The following CNTNAP2 variants were observed in gnomAD, a reference collection of about 807,000 sequenced individuals.
CNTNAP2 encodes the protein contactin associated protein 2.
In CNTNAP2, 98 loss-of-function variants were observed where a neutral mutation model predicts 155.2. That is an observed-to-expected ratio of 0.63 (90% confidence interval 0.54 to 0.75). The LOEUF (loss-of-function observed/expected upper bound fraction) is 0.75. CNTNAP2 is among the 30% of genes least tolerant of loss of function. The pLI is 0.00. For missense variants in CNTNAP2, 1,727 were observed against 1,688.1 expected (o/e 1.02, Z -0.40); for synonymous variants, 651 against 631.2 (o/e 1.03, Z -0.47).
At chr7:146,727,361 A>T (rs2129178691) in intron 1 of CNTNAP2, among the ~76,000 whole-genome samples, 1 of 152,328 alleles carries the variant, frequency 6.6e-6, no homozygotes, top group Non-Finnish European at 1.5e-5. Flanking sequence ...TGATTTTATC[A>T]TTCTTAAAGC....
chr7:148,403,978 T>A (rs1799644930), intron 22 of CNTNAP2, among the ~76,000 whole-genome samples: 1 of 152,108 alleles, frequency 6.6e-6, no homozygotes, highest in African/African-American at 2.4e-5. Context: ...GGACTAGGAG[T>A]CACTAATATA....
chr7:146,871,752 GATTT>G (rs1362397201), intron 3 of CNTNAP2, among the ~76,000 whole-genome samples: 4 of 151,792 alleles, frequency 2.6e-5, no homozygotes, highest in Non-Finnish European at 4.4e-5. Context: ...TAAATCATAT[GATTT>G]ATTATTTCAA....
At chr7:148,296,675 G>A (rs1293658613) in intron 21 of CNTNAP2, among the ~76,000 whole-genome samples, 2 of 151,864 alleles carry the variant, frequency 1.3e-5, no homozygotes, top group Non-Finnish European at 2.9e-5. Flanking sequence ...GGATGGATCA[G>A]ACACTATGAG....
chr7:147,449,898 T>G (rs1409184060), intron 10 of CNTNAP2, among the ~76,000 whole-genome samples: 1 of 152,226 alleles, frequency 6.6e-6, no homozygotes, highest in Non-Finnish European at 1.5e-5. Context: ...GCCAATCACA[T>G]TAACTCTATG....
At chr7:147,417,124 C>T (rs1797207009) in intron 10 of CNTNAP2, among the ~76,000 whole-genome samples, 1 of 151,840 alleles carries the variant, frequency 6.6e-6, no homozygotes, top group Non-Finnish European at 1.5e-5. Context: ...TTTTATGCTG[C>T]ATATTCATTA....
intron 3 of CNTNAP2, among the ~76,000 whole-genome samples, chr7:146,904,771 G>A (rs965351847): frequency 6.6e-6 from 1 of 152,226 alleles, no homozygotes; most frequent in South Asian, 2.1e-4. Context: ...GCGTCCGGCC[G>A]AGAATTCATC....
intron 1 of CNTNAP2, among the ~76,000 whole-genome samples, chr7:146,217,036 T>G (rs1360016630): frequency 6.6e-6 from 1 of 152,190 alleles, no homozygotes; most frequent in African/African-American, 2.4e-5. Context: ...GTGCTACATT[T>G]TAATTTGATT....
At chr7:147,210,905 T>A (rs1205269627) in intron 8 of CNTNAP2, among the ~76,000 whole-genome samples, 3 of 151,972 alleles carry the variant, frequency 2.0e-5, no homozygotes, top group Non-Finnish European at 4.4e-5. Flanking sequence ...TTTGTATTGA[T>A]TTCTATTTAT....
chr7:147,243,305 T>TTTTTAAATG lies in CNTNAP2; in HGVS notation c.1349-56833_1349-56825dup, dbSNP rs201266462. On this transcript the variant is annotated intron_variant, in intron 8 of 23. Coordinates refer to ENST00000361727, the MANE Select transcript of CNTNAP2 (RefSeq NM_014141.6). ...GCCACCGCACCCGGCCTGCTTTGCT[T>TTTTTAAATG]TTTTAAATGTTGCAAATTAGAATTC... is the stretch of plus-strand genomic sequence containing the variant. Among the ~76,000 whole-genome samples the TTTTTAAATG allele has an allele frequency of 6.1e-3, 934 of 152,204 alleles. 13 individuals are homozygous for TTTTTAAATG. Among genetic ancestry groups the TTTTTAAATG allele is most frequent in the African/African-American group, 0.021 (878 of 41,508 alleles).
intron 15 of CNTNAP2, among the ~76,000 whole-genome samples, chr7:148,054,605 C>A (rs184441502): frequency 1.3e-5 from 2 of 152,150 alleles, no homozygotes. Context: ...TCCCTAACTA[C>A]AACTTCGCCA....
chr7:146,756,561 C>A (rs1484667570), intron 1 of CNTNAP2, among the ~76,000 whole-genome samples: 1 of 151,956 alleles, frequency 6.6e-6, no homozygotes, highest in African/African-American at 2.4e-5. Flanking sequence ...TCACACACTT[C>A]CCAAATTCAA....
At chr7:146,705,268 C>A (rs538033576) in intron 1 of CNTNAP2, among the ~76,000 whole-genome samples, 5 of 152,196 alleles carry the variant, frequency 3.3e-5, no homozygotes, top group African/African-American at 1.2e-4. Context: ...AACTGGGTGG[C>A]TTATAAACAA....
intron 3 of CNTNAP2, among the ~76,000 whole-genome samples, chr7:146,854,455 G>C (rs980611590): frequency 6.6e-6 from 1 of 152,158 alleles, no homozygotes; most frequent in Non-Finnish European, 1.5e-5. Context: ...TCTGATGGAA[G>C]AGGAATGAAA....
intron 3 of CNTNAP2, among the ~76,000 whole-genome samples, chr7:146,868,607 G>T (rs564388680): frequency 6.6e-6 from 1 of 152,262 alleles, no homozygotes; most frequent in East Asian, 1.9e-4. Context: ...GCTTTGGGCT[G>T]TATAGCCATA....
At chr7:147,502,061 A>G (rs1798824417) in intron 11 of CNTNAP2, among the ~76,000 whole-genome samples, 1 of 152,184 alleles carries the variant, frequency 6.6e-6, no homozygotes, top group South Asian at 2.1e-4. Context: ...TGGATGAAAA[A>G]AAGTGAAGAC....
intron 10 of CNTNAP2, among the ~76,000 whole-genome samples, chr7:147,417,829 A>C (rs1797224922): frequency 6.6e-6 from 1 of 152,232 alleles, no homozygotes; most frequent in African/African-American, 2.4e-5. Context: ...AAGTTATGCA[A>C]AAGTGTATTA....
At chr7:147,021,251 G>A (rs1798812997) in intron 3 of CNTNAP2, among the ~76,000 whole-genome samples, 1 of 131,280 alleles carries the variant, frequency 7.6e-6, no homozygotes, top group Non-Finnish European at 1.7e-5. Flanking sequence ...TTTTATGTAT[G>A]GCCCAAGACA....
chr7:146,214,833 T>G (rs1031168049), intron 1 of CNTNAP2, among the ~76,000 whole-genome samples: 5 of 152,194 alleles, frequency 3.3e-5, no homozygotes, highest in Admixed American at 1.3e-4. Flanking sequence ...TCATATAAGA[T>G]AATTGACTTA....
intron 13 of CNTNAP2, among the ~76,000 whole-genome samples, chr7:147,713,779 G>A (rs1381913277): frequency 6.6e-6 from 1 of 152,096 alleles, no homozygotes; most frequent in Non-Finnish European, 1.5e-5. Flanking sequence ...AGATCCAGTT[G>A]CTCAGCATCT....
Sources: gnomAD v4.1 joint callset for allele counts (sites outside exome capture counted in the v4.1 genomes callset) on GRCh38, gnomAD v4.1.1 for gene constraint, MANE v1.5 for transcripts, NCBI Gene and HGNC (gene_info 2026-07-23, HGNC 2026-07-21) for gene names.